SMC3: variants seen among roughly 807,000 people sequenced by gnomAD.
The protein encoded by SMC3 is structural maintenance of chromosomes protein 3.
Under a neutral mutation model 171.8 loss-of-function variants are expected in SMC3, and 20 were observed. The observed-to-expected ratio is 0.12, with a 90% CI of 0.08 to 0.17. The LOEUF (loss-of-function observed/expected upper bound fraction) is 0.17, where lower values mean the gene tolerates loss of function less well. SMC3 is among the 10% of genes least tolerant of loss of function. The probability of loss-of-function intolerance (pLI) is 1.00; values close to 1 mark genes in which losing one functional copy is unlikely to be tolerated. For synonymous variants in SMC3, 464 were observed against 451.1 expected (o/e 1.03, Z -0.36); for missense variants, 543 against 1,420.4 (o/e 0.38, Z 9.93).
chr10:110,603,008 G>T lies in SMC3; in HGVS notation c.3475+6G>T. 6.2e-7 allele frequency: 1 copy of T among 1,614,014 alleles called. No homozygotes were observed. Among genetic ancestry groups the T allele is most frequent in the Non-Finnish European group, 8.5e-7 (1 of 1,179,918 alleles). On this transcript the variant is annotated splice_donor_region_variant and intron_variant, in intron 27 of 28. Transcript: ENST00000361804. Reference sequence around the variant, plus strand: ...GCACAGAAAGGCTGTGTCAGGTACAGTTTCAGTACAGTTTTGGTTTTGTAT... The same window carrying T: ...GCACAGAAAGGCTGTGTCAGGTACATTTTCAGTACAGTTTTGGTTTTGTAT...
intron 9 of SMC3, 124 bp downstream of exon 9, chr10:110,582,222 A>T (rs995893669): frequency 2.1e-5 from 19 of 895,320 alleles, no homozygotes; most frequent in Non-Finnish European, 3.3e-5. Context: ...CCTCTCAATG[A>T]ATTTATTAGT....
intron 8 of SMC3, among the ~76,000 whole-genome samples, chr10:110,581,235 T>G (rs1381029915): frequency 7.4e-5 from 8 of 108,336 alleles, no homozygotes; most frequent in Admixed American, 6.5e-4. Context: ...TTTTTTTTTT[T>G]GAGATGGAGT....
intron 18 of SMC3, among the ~76,000 whole-genome samples, chr10:110,595,290 A>C (rs1472912323): frequency 1.3e-5 from 2 of 152,098 alleles, no homozygotes; most frequent in Admixed American, 1.3e-4. Flanking sequence ...AGATTCTTTA[A>C]ATATAAGACA....
chr10:110,604,053 C>T (rs563933398), intron 28 of SMC3, among the ~76,000 whole-genome samples, 178 bp from the exon 29 acceptor site: 10 of 141,216 alleles, frequency 7.1e-5, no homozygotes, highest in East Asian at 2.0e-4. Flanking sequence ...CAAGATGGTG[C>T]CACTGCACTC....
Position 110,600,316 on chromosome 10 carries a change from A to C in SMC3, c.2428-123A>C, listed in dbSNP as rs572964811. ...AGAAAGTATAGGGCTTTTTTGAAGA[A>C]TATAACATATTAAACTTCATTTCAG... On this transcript the variant is annotated intron_variant, in intron 21 of 28. Coordinates refer to ENST00000361804, the MANE Select transcript of SMC3 (RefSeq NM_005445.4). The C allele has an allele frequency of 1.5e-4, 102 of 693,774 alleles. No homozygotes were observed. The African/African-American group carries it at 1.5e-3, about 10-fold the overall frequency. The allele number at this position is 693,774 out of a possible 1,614,324, so 43.0% of individuals were successfully genotyped here. A position where few individuals can be genotyped will look rare whatever the true frequency, so the allele number is the denominator to read the frequency against.
At chr10:110,583,343 A>ACTTCTAAT in intron 10 of SMC3, 41 bp from the exon 11 acceptor site, 1 of 1,516,464 alleles carries the variant, frequency 6.6e-7, no homozygotes, top group Non-Finnish European at 9.1e-7. Context: ...CTGCTATTGT[A>ACTTCTAAT]CTTCTAATTG....
At chr10:110,586,485 C>G (rs1313148834) in intron 13 of SMC3, among the ~76,000 whole-genome samples, 1 of 152,198 alleles carries the variant, frequency 6.6e-6, no homozygotes, top group Admixed American at 6.5e-5. Flanking sequence ...AAACCAACCT[C>G]AGCAGATGCC....
chr10:110,602,269 C>A, intron 25 of SMC3, 91 bp downstream of exon 25: 3 of 1,209,202 alleles, frequency 2.5e-6, no homozygotes, highest in Non-Finnish European at 3.6e-6. Context: ...CTGTTTTCCT[C>A]ATTACCAGGT....
chr10:110,570,585 G>A (rs1471330446), intron 2 of SMC3, among the ~76,000 whole-genome samples: 2 of 152,024 alleles, frequency 1.3e-5, no homozygotes, highest in African/African-American at 4.8e-5. Flanking sequence ...AGAAAAATAA[G>A]AATTATTAGA....
Position 110,575,349 on chromosome 10 carries a change from T to C in SMC3, c.144T>C (p.Val48=). The C allele has an allele frequency of 1.2e-6, 2 of 1,613,686 alleles. No individual in the cohort carries two copies. The highest frequency in any genetic ancestry group is 2.2e-5 in the South Asian group (2 of 91,076). Reference sequence around the variant, plus strand: ...TTGTATTTCCAGCAATTCAGTTTGTTCTCAGTGATGAGTTTAGTCATCTTC... The same window carrying C: ...TTGTATTTCCAGCAATTCAGTTTGTCCTCAGTGATGAGTTTAGTCATCTTC... ...KSNFFYAIQF[V]LSDEFSHLRP... The change falls in exon 4 of 29, where the codon GTT becomes GTC. Residue 48 remains valine (V), a synonymous_variant. Transcript: ENST00000361804.
intron 19 of SMC3, 98 bp downstream of exon 19, chr10:110,596,648 T>A: frequency 8.5e-7 from 1 of 1,174,614 alleles, no homozygotes; most frequent in Admixed American, 2.6e-5. Context: ...TATTAAAAAT[T>A]TCTTGTGTTT....
intron 4 of SMC3, 82 bp from the exon 5 acceptor site, chr10:110,577,339 T>G: frequency 9.7e-7 from 1 of 1,036,134 alleles, no homozygotes. Context: ...AGACTTGTTA[T>G]TATGCCCTAG....
At chr10:110,567,878 G>T in intron 1 of SMC3, 47 bp downstream of exon 1, 1 of 1,608,540 alleles carries the variant, frequency 6.2e-7, no homozygotes, top group Non-Finnish European at 8.5e-7. Flanking sequence ...GGTAAGGGCC[G>T]CTCCTTGAGG....
At chr10:110,572,880 C>A (rs1279434726) in intron 2 of SMC3, among the ~76,000 whole-genome samples, 1 of 152,042 alleles carries the variant, frequency 6.6e-6, no homozygotes, top group African/African-American at 2.4e-5. Flanking sequence ...GATTATTCCC[C>A]CCACCAATAA....
chr10:110,600,622 G>A, intron 22 of SMC3, 76 bp downstream of exon 22: 1 of 804,534 alleles, frequency 1.2e-6, no homozygotes, highest in South Asian at 1.4e-5. Flanking sequence ...TATATCAGAG[G>A]CTCTGATTGA....
At chr10:110,571,354 G>T (rs138854628) in intron 2 of SMC3, among the ~76,000 whole-genome samples, 2 of 152,178 alleles carry the variant, frequency 1.3e-5, no homozygotes, top group African/African-American at 2.4e-5. Flanking sequence ...GAGACAGGTG[G>T]TTTGCAGTCA....
intron 4 of SMC3, 76 bp downstream of exon 4, chr10:110,575,479 G>A: frequency 9.4e-7 from 1 of 1,064,738 alleles, no homozygotes; most frequent in Non-Finnish European, 1.4e-6. Context: ...GGTTAAAAAA[G>A]CATTTGTTCA....
intron 17 of SMC3, among the ~76,000 whole-genome samples, chr10:110,591,425 C>T (rs1861202696): frequency 6.6e-6 from 1 of 152,076 alleles, no homozygotes; most frequent in Non-Finnish European, 1.5e-5. Context: ...CAAATCATTG[C>T]AAATGTGCAG....
At chr10:110,590,052 A>T in intron 15 of SMC3, 61 bp downstream of exon 15, 2 of 1,446,476 alleles carry the variant, frequency 1.4e-6, no homozygotes, top group Non-Finnish European at 1.9e-6. Flanking sequence ...TCGTTATGTA[A>T]TAATTTTTTA....
Sources: allele counts gnomAD v4.1 joint callset (sites outside exome capture counted in the v4.1 genomes callset), GRCh38; gene constraint gnomAD v4.1.1; transcripts MANE v1.5; gene names NCBI Gene and HGNC (gene_info 2026-07-23, HGNC 2026-07-21).